Variants in ITGA8 observed in about 807,000 individuals in gnomAD.
The protein encoded by ITGA8 is integrin alpha-8.
In ITGA8, 91 loss-of-function variants were observed where a neutral mutation model predicts 142.3. That is an observed-to-expected ratio of 0.64 (90% CI 0.54 to 0.76). The LOEUF (loss-of-function observed/expected upper bound fraction) is 0.76. Ranked by LOEUF, ITGA8 falls within the 30% of genes least tolerant of loss-of-function variation. The pLI, the probability that ITGA8 is intolerant of heterozygous loss-of-function variation, is 0.00. For synonymous variants in ITGA8, 505 were observed against 485.2 expected, an observed-to-expected ratio of 1.04 and a Z score of -0.54; for missense variants, 1,406 against 1,327.7, an observed-to-expected ratio of 1.06 and a Z score of -0.92.
At chr10:15,575,631 G>A in intron 23 of ITGA8, 37 bp from the exon 24 acceptor site, 1 of 1,517,924 alleles carries the variant, frequency 6.6e-7, no homozygotes, top group Admixed American at 1.7e-5. Context: ...GTTAGCAATG[G>A]CCCAGGTAAA....
intron 2 of ITGA8, among the ~76,000 whole-genome samples, chr10:15,699,832 C>A (rs1358411846): frequency 2.0e-5 from 3 of 152,126 alleles, no homozygotes; most frequent in Non-Finnish European, 4.4e-5. Context: ...TACAGGAGGA[C>A]TTTTAAATAT....
intron 9 of ITGA8, 61 bp downstream of exon 9, chr10:15,660,818 C>G (rs1834270582): frequency 7.6e-7 from 1 of 1,314,298 alleles, no homozygotes; most frequent in African/African-American, 1.4e-5. Flanking sequence ...AGATGTAATT[C>G]CATCAAGGAG....
chr10:15,694,421 TATATC>T (rs907508336), intron 2 of ITGA8, among the ~76,000 whole-genome samples: 7 of 138,290 alleles, frequency 5.1e-5, no homozygotes, highest in African/African-American at 1.6e-4. Context: ...TATCAGATAA[TATATC>T]ATATATATGA....
intron 17 of ITGA8, among the ~76,000 whole-genome samples, chr10:15,606,683 T>C (rs1833202637): frequency 6.6e-6 from 1 of 152,158 alleles, no homozygotes; most frequent in African/African-American, 2.4e-5. Flanking sequence ...TCTCCAGACC[T>C]TCAACAACTC....
intron 13 of ITGA8, among the ~76,000 whole-genome samples, chr10:15,631,632 G>A (rs1833687092): frequency 6.6e-6 from 1 of 151,410 alleles, no homozygotes; most frequent in Non-Finnish European, 1.5e-5. Flanking sequence ...GGGTTGATGG[G>A]TGCAGCAAAT....
intron 23 of ITGA8, among the ~76,000 whole-genome samples, chr10:15,581,391 TC>T (rs1321128378): frequency 2.6e-5 from 4 of 152,204 alleles, no homozygotes; most frequent in Non-Finnish European, 4.4e-5. Context: ...CTGTGTTTGG[TC>T]CTTTTCCAGA....
chr10:15,592,413 G>T, intron 21 of ITGA8, 109 bp from the exon 22 acceptor site: 1 of 785,198 alleles, frequency 1.3e-6, no homozygotes, highest in Non-Finnish European at 2.0e-6. Flanking sequence ...TCTTTCCTTT[G>T]TTCTGCTTCT....
At chr10:15,625,352 A>G (rs958189834) in intron 13 of ITGA8, among the ~76,000 whole-genome samples, 8 of 152,216 alleles carry the variant, frequency 5.3e-5, no homozygotes, top group Non-Finnish European at 1.2e-4. Context: ...TCCACCTTCA[A>G]CTGTTTGATC....
rs72781820 is a variant in ITGA8 at position 15,691,432 on chromosome 10, G to A, written c.344-3394C>T. Among the ~76,000 whole-genome samples, 1,457 of 152,262 alleles carry A rather than the reference G, an allele frequency of 9.6e-3. 12 individuals are homozygous for A. Among genetic ancestry groups the A allele is most frequent in the Non-Finnish European group, 0.017 (1,143 of 68,026 alleles). On this transcript the variant is annotated intron_variant, in intron 2 of 29. Transcript: ENST00000378076. ...CACTGTTCATAAGAGCCAAGATATGGGATCATCTTAGGTGTCCTTCAACGG... is the reference window on the plus strand; with the variant it reads ...CACTGTTCATAAGAGCCAAGATATGAGATCATCTTAGGTGTCCTTCAACGG...
At position 15,516,221 on chromosome 10, in the gene ITGA8, A is replaced by G. The variant is rs1832959057; in HGVS notation, c.*937T>C. ...ACTTTTAAACACTCCAAAGGTAGAG[A>G]GTACCTCGAAATTCATGTATTAACT... is the stretch of plus-strand genomic sequence containing the variant. On this transcript the variant is annotated 3_prime_UTR_variant, in exon 30 of 30. Transcript: ENST00000378076. 1 of 152,224 alleles carries G rather than the reference A, an allele frequency of 6.6e-6. No individual in the cohort carries two copies. Among genetic ancestry groups the G allele is most frequent in the Non-Finnish European group, 1.5e-5 (1 of 68,040 alleles). 9.4% of individuals were successfully genotyped at this position (152,224 alleles called of 1,614,324 possible).
At chr10:15,545,074 A>G (rs1363049175) in intron 27 of ITGA8, among the ~76,000 whole-genome samples, 2 of 152,212 alleles carry the variant, frequency 1.3e-5, no homozygotes, top group East Asian at 3.9e-4. Context: ...TTCCTGACTC[A>G]GAGTGACAGG....
chr10:15,645,517 A>C (rs371459830), intron 12 of ITGA8, among the ~76,000 whole-genome samples: 5 of 152,324 alleles, frequency 3.3e-5, no homozygotes, highest in African/African-American at 1.2e-4. Flanking sequence ...GTCTTTTAAA[A>C]AATTTCCCTG....
intron 13 of ITGA8, among the ~76,000 whole-genome samples, chr10:15,631,357 G>A (rs766872902): frequency 5.9e-5 from 9 of 151,870 alleles, no homozygotes; most frequent in African/African-American, 1.9e-4. Flanking sequence ...AAAATGTGAC[G>A]CATATACACC....
intron 23 of ITGA8, among the ~76,000 whole-genome samples, chr10:15,581,610 T>C (rs915115472): frequency 2.6e-5 from 4 of 152,268 alleles, no homozygotes; most frequent in Middle Eastern, 3.4e-3. Flanking sequence ...AACTTTATAA[T>C]TGGATAAACT....
chr10:15,653,876 C>G (rs1834134709), intron 11 of ITGA8, among the ~76,000 whole-genome samples: 1 of 151,210 alleles, frequency 6.6e-6, no homozygotes, highest in Admixed American at 6.6e-5. Context: ...GCTCTGTTGC[C>G]CAGGCTGGAG....
At chr10:15,707,736 T>A (rs1005852811) in intron 2 of ITGA8, among the ~76,000 whole-genome samples, 20 of 151,270 alleles carry the variant, frequency 1.3e-4, no homozygotes, top group Non-Finnish European at 2.8e-4. Flanking sequence ...GGCAGGAGAA[T>A]TGCTTGAACC....
At chr10:15,586,314 C>T (rs528760009) in intron 23 of ITGA8, among the ~76,000 whole-genome samples, 130 of 152,158 alleles carry the variant, frequency 8.5e-4, no homozygotes, top group Middle Eastern at 3.4e-3. Context: ...TCACTTTGGC[C>T]TCCCAAAGTG....
At chr10:15,538,660 A>T (rs1246532422) in intron 27 of ITGA8, among the ~76,000 whole-genome samples, 4 of 152,058 alleles carry the variant, frequency 2.6e-5, no homozygotes, top group Non-Finnish European at 4.4e-5. Context: ...ATAATAATAA[A>T]AAAGAAAATG....
Position 15,674,938 on chromosome 10 carries a change from CAA to C in ITGA8, c.677-2191_677-2190del, listed in dbSNP as rs35978679. Among the ~76,000 whole-genome samples, 317 of 148,868 alleles carry C rather than the reference CAA, an allele frequency of 2.1e-3. 1 individual carries two copies. Among genetic ancestry groups the C allele is most frequent in the African/African-American group, 7.5e-3 (304 of 40,416 alleles). Reference sequence around the variant, plus strand: ...CTGGGCAACAAAATGAGACTCGTCTCAAAAAAAAAAAAATCATAAATCTATCT... The same window carrying C: ...CTGGGCAACAAAATGAGACTCGTCTCAAAAAAAAAAATCATAAATCTATCT... On this transcript the variant is annotated intron_variant, in intron 6 of 29. Transcript: ENST00000378076.
Sources: allele counts gnomAD v4.1 joint callset (sites outside exome capture counted in the v4.1 genomes callset), GRCh38; gene constraint gnomAD v4.1.1; transcripts MANE v1.5; gene names NCBI Gene and HGNC (gene_info 2026-07-23, HGNC 2026-07-21).